Variants in RHBG observed in about 807,000 individuals in gnomAD.
The protein encoded by RHBG is Rh family B glycoprotein, also known as ammonium transporter Rh type B.
A neutral mutation model predicts 40.1 loss-of-function variants in RHBG; 39 were observed. That is an observed-to-expected ratio of 0.97 (90% CI 0.75 to 1.27). The LOEUF is 1.27. RHBG is among the 50% of genes most tolerant of loss of function. RHBG has a pLI of 0.00. For synonymous variants in RHBG, 237 were observed against 252.5 expected (o/e 0.94, Z 0.58); for missense variants, 549 against 588.1 (o/e 0.93, Z 0.69).
At chr1:156,380,870 C>A (rs1387866575) in intron 4 of RHBG, among the ~76,000 whole-genome samples, 1 of 152,022 alleles carries the variant, frequency 6.6e-6, no homozygotes, top group Non-Finnish European at 1.5e-5. Flanking sequence ...ATGTGCATTG[C>A]CTCATTTAAT....
chr1:156,372,517 A>T (rs1666923685), intron 1 of RHBG, among the ~76,000 whole-genome samples: 1 of 152,214 alleles, frequency 6.6e-6, no homozygotes, highest in Non-Finnish European at 1.5e-5. Context: ...AGAGGGATTT[A>T]GGATAGATGG....
chr1:156,381,416 A>T lies in RHBG; in HGVS notation c.743A>T (p.His248Leu). Residue 248 changes from histidine to leucine, a missense_variant, in exon 5 of 10, where the codon CAT (histidine) becomes CTT (leucine). By Grantham distance (99) the His-to-Leu change is moderately conservative. Coordinates refer to ENST00000537040, the MANE Select transcript of RHBG (RefSeq NM_020407.5). ...AALTALGAGQ[H>L]RTALNTYYSL... The stretch of plus-strand genomic sequence containing the variant: ...CTCACAGCGCTGGGGGCTGGGCAGC[A>T]TCGGACGGCCCTCAACACATACTAC... 1.9e-6 allele frequency: 3 copies of T among 1,614,108 alleles called. No individual in the cohort carries two copies. Among genetic ancestry groups the T allele is most frequent in the Non-Finnish European group, 2.5e-6 (3 of 1,180,030 alleles).
rs765517471 is a variant in RHBG, at chr1:156,378,032, C to T, written c.417C>T (p.Ser139=). ...TTTGTGCGGGGGCCGTGCTCATCTC[C>T]TTTGGTGCCGTCCTGGGCAAGACCG... The part of the protein sequence containing the change: ...ADFCAGAVLI[S]FGAVLGKTGP... Residue 139 remains serine, a synonymous_variant, in exon 3 of 10, where the codon TCC becomes TCT. Transcript: ENST00000537040. 2 of 1,578,436 alleles carry T rather than the reference C, an allele frequency of 1.3e-6. No individual in the cohort carries two copies. The highest frequency in any genetic ancestry group is 1.7e-4 in the Middle Eastern group (1 of 5,894).
intron 7 of RHBG, chr1:156,382,497 C>A (rs1006720598): frequency 8.9e-5 from 57 of 637,636 alleles, no homozygotes; most frequent in Non-Finnish European, 1.3e-4. Context: ...TGGGCAAAAG[C>A]AACCCGCAAA....
chr1:156,371,273 C>A (rs914074397), intron 1 of RHBG: 2 of 314,634 alleles, frequency 6.4e-6, no homozygotes, highest in Non-Finnish European at 1.2e-5. Context: ...GATTCACCCG[C>A]CTCAGCCTCC....
chr1:156,384,436 C>T (rs973761603), intron 8 of RHBG, 91 bp from the exon 9 acceptor site: 1 of 1,172,872 alleles, frequency 8.5e-7, no homozygotes. Flanking sequence ...TCTTATGCCT[C>T]CTAGACCCCT....
chr1:156,374,489 A>G (rs1437924445), intron 1 of RHBG: 2 of 320,430 alleles, frequency 6.2e-6, no homozygotes, highest in Non-Finnish European at 1.2e-5. Flanking sequence ...GCTTCCACAT[A>G]TGAGTGAGAA....
chr1:156,375,395 T>C (rs1667122346), intron 1 of RHBG, among the ~76,000 whole-genome samples: 1 of 151,122 alleles, frequency 6.6e-6, no homozygotes, highest in South Asian at 2.1e-4. Context: ...TTTCAGTACA[T>C]ATCCAGCCCT....
intron 8 of RHBG, 103 bp from the exon 9 acceptor site, chr1:156,384,424 G>T: frequency 2.0e-6 from 2 of 1,003,320 alleles, no homozygotes; most frequent in Non-Finnish European, 3.2e-6. Flanking sequence ...GCATCATATT[G>T]GTCTTATGCC....
At chr1:156,379,430 T>C (rs887751419) in intron 4 of RHBG, among the ~76,000 whole-genome samples, 2 of 152,168 alleles carry the variant, frequency 1.3e-5, no homozygotes, top group Non-Finnish European at 2.9e-5. Flanking sequence ...GAAGTACCTA[T>C]TCCTATATGA....
Position 156,382,888 on chromosome 1 carries a change from T to C in RHBG, c.1234+19T>C. ...CTTGGAGGTGAGTAACCTTGGATTT[T>C]CTAGAGGAAGGGGCATGGGATCCTA... On this transcript the variant is annotated intron_variant, in intron 8 of 9. Coordinates refer to ENST00000537040, the MANE Select transcript of RHBG (RefSeq NM_020407.5). The C allele has an allele frequency of 6.2e-7, 1 of 1,614,188 alleles. No homozygotes were observed. The highest frequency in any genetic ancestry group is 1.1e-5 in the South Asian group (1 of 91,088).
chr1:156,380,750 A>T (rs977487279), intron 4 of RHBG, among the ~76,000 whole-genome samples: 1 of 144,100 alleles, frequency 6.9e-6, no homozygotes, highest in Non-Finnish European at 1.5e-5. Flanking sequence ...AAAAAAAAAA[A>T]TTCAACGTTA....
Position 156,377,881 on chromosome 1 carries a change from AACCCC to A in RHBG, c.375-99_375-95del. The A allele has an allele frequency of 5.0e-6, 6 of 1,198,756 alleles. No individual in the cohort carries two copies. The highest frequency in any genetic ancestry group is 6.9e-6 in the Non-Finnish European group (6 of 865,832). The allele number at this position is 1,198,756 out of a possible 1,614,324, so 74.3% of individuals were successfully genotyped here. ...CTCCTTGTCTTCTCTCCAGAACTCC[AACCCC>A]ACCCCACCCACCACATCATGCTGTC... On this transcript the variant is annotated intron_variant, in intron 2 of 9. Transcript: ENST00000537040. This position sits in a 1 kb window ranked among gnomAD's most constrained non-coding sequence, Gnocchi z 4.6.
At chr1:156,384,623 C>A in intron 9 of RHBG, 23 bp downstream of exon 9, 1 of 1,563,982 alleles carries the variant, frequency 6.4e-7, no homozygotes, top group Admixed American at 1.8e-5. Flanking sequence ...TGGGCTCTCA[C>A]ACCCTCTGAG....
chr1:156,369,277 G>GGCC lies in RHBG; in HGVS notation c.30_32dup (p.Arg12dup). 6.2e-7 allele frequency: 1 copy of GGCC among 1,613,700 alleles called. No homozygotes were observed. On this transcript the variant is annotated inframe_insertion, in exon 1 of 10. Transcript: ENST00000537040. ...GGCCGGGTCTCCTAGCCGCGCCGCG[G>GGCC]GCCGGCGACTGCAGCTTCCCCTGCT...
chr1:156,382,124 T>C lies in RHBG; in HGVS notation c.1035T>C (p.His345=). Residue 345 remains histidine, a synonymous_variant, in exon 7 of 10, where the codon CAT becomes CAC. Transcript: ENST00000537040. ...ACACATGTGGAGTCCACAACCTCCA[T>C]GGGATGCCGGGGGTCCTGGGGGCCC... The part of the protein sequence containing the change: ...VQDTCGVHNL[H]GMPGVLGALL... 6.2e-7 allele frequency: 1 copy of C among 1,613,984 alleles called. No homozygotes were observed. The highest frequency in any genetic ancestry group is 8.5e-7 in the Non-Finnish European group (1 of 1,179,930).
At chr1:156,374,576 G>A (rs983861413) in intron 1 of RHBG, 8 of 431,138 alleles carry the variant, frequency 1.9e-5, no homozygotes, top group Admixed American at 2.6e-5. Context: ...TGCCACGAAT[G>A]ACAGGATTCC....
intron 9 of RHBG, 47 bp downstream of exon 9, chr1:156,384,647 C>A: frequency 6.5e-7 from 1 of 1,546,724 alleles, no homozygotes; most frequent in South Asian, 1.2e-5. Context: ...CCCTTCCCTG[C>A]CTCGCCTCCT....
At chr1:156,373,146 G>A (rs1359933383) in intron 1 of RHBG, among the ~76,000 whole-genome samples, 1 of 152,126 alleles carries the variant, frequency 6.6e-6, no homozygotes, top group Non-Finnish European at 1.5e-5. Context: ...CTTGGGGCTG[G>A]GCACCATGGT....
Sources: gnomAD v4.1 joint callset for allele counts (sites outside exome capture counted in the v4.1 genomes callset) on GRCh38, gnomAD v4.1.1 for gene constraint, Gnocchi (gnomAD v3.1) non-coding constraint, MANE v1.5 for transcripts, NCBI Gene and HGNC (gene_info 2026-07-23, HGNC 2026-07-21) for gene names.